Variants in MRPL45 observed in about 807,000 individuals in gnomAD.
MRPL45 encodes large ribosomal subunit protein mL45.
Under a neutral mutation model 38.1 loss-of-function variants are expected in MRPL45, and 20 were observed. That is an observed-to-expected ratio of 0.53 (90% CI 0.37 to 0.76). The LOEUF is 0.76. Ranked by LOEUF, MRPL45 falls within the 30% of genes least tolerant of loss-of-function variation. The pLI, the probability that MRPL45 is intolerant of heterozygous loss-of-function variation, is 0.00. For missense variants in MRPL45, 337 were observed against 395.6 expected (o/e 0.85, Z 1.26); for synonymous variants, 105 against 128.8 (o/e 0.82, Z 1.25).
chr17:38,322,695 C>G lies in MRPL45; in HGVS notation c.*100C>G. 1 of 874,024 alleles carries G rather than the reference C, an allele frequency of 1.1e-6. No individual in the cohort carries two copies. Among genetic ancestry groups the G allele is most frequent in the South Asian group, 1.6e-5 (1 of 61,492 alleles). 54.1% of individuals were successfully genotyped at this position (874,024 alleles called of 1,614,324 possible). A position where few individuals can be genotyped will look rare whatever the true frequency, so the allele number is the denominator to read the frequency against. On this transcript the variant is annotated 3_prime_UTR_variant, in exon 8 of 8. Coordinates refer to ENST00000613675, the MANE Select transcript of MRPL45 (RefSeq NM_032351.6). Reference sequence around the variant, plus strand: ...TGCTATAAAAAGAACTACCTTTGTTCTCTCCCATCCTGCTCAGGTCTTTTC... The same window carrying G: ...TGCTATAAAAAGAACTACCTTTGTTGTCTCCCATCCTGCTCAGGTCTTTTC...
At chr17:38,316,773 G>A (rs559924961) in intron 4 of MRPL45, among the ~76,000 whole-genome samples, 1 of 139,782 alleles carries the variant, frequency 7.2e-6, no homozygotes, top group South Asian at 2.3e-4. Context: ...AAGCAAAAGT[G>A]TATTTGTCTG....
intron 3 of MRPL45, among the ~76,000 whole-genome samples, chr17:38,301,991 C>T (rs2037001123): frequency 1.3e-5 from 2 of 151,854 alleles, no homozygotes; most frequent in African/African-American, 4.8e-5. Context: ...GTGGTGGGCG[C>T]CTGTAGTCCC....
At chr17:38,319,284 C>G (rs988527220) in intron 5 of MRPL45, among the ~76,000 whole-genome samples, 8 of 152,002 alleles carry the variant, frequency 5.3e-5, no homozygotes, top group African/African-American at 1.9e-4. Context: ...ATCCGGCCAC[C>G]TCGGCTTCCC....
At chr17:38,307,884 C>T (rs185098875) in intron 4 of MRPL45, among the ~76,000 whole-genome samples, 68 of 151,946 alleles carry the variant, frequency 4.5e-4, no homozygotes, top group Admixed American at 3.7e-3. Flanking sequence ...GATGGGATGT[C>T]GTGATGTTGC....
rs2037012001 is a variant in MRPL45 at position 38,302,791 on chromosome 17, C to T, written c.362+3323C>T. Among the ~76,000 whole-genome samples the T allele has an allele frequency of 2.7e-5, 4 of 150,544 alleles. No homozygotes were observed. In the South Asian group the frequency reaches 8.4e-4, roughly 32 times the overall value. The stretch of plus-strand genomic sequence containing the variant: ...CCAGGCTGGAGTGCAGTGGCTCCAT[C>T]TCGGCCCACTGCAGCCTCTGCCTCC... On this transcript the variant is annotated intron_variant, in intron 3 of 7. Transcript: ENST00000613675.
rs1479507207 is a variant in MRPL45, at chr17:38,313,555, T to C, written c.462-5132T>C. 2.0e-5 allele frequency among the ~76,000 whole-genome samples: 3 copies of C among 150,372 alleles called. No individual in the cohort carries two copies. The Admixed American group carries it at 2.0e-4, about 10-fold the overall frequency. On this transcript the variant is annotated intron_variant, in intron 4 of 7. Transcript: ENST00000613675. ...TTTATAATAGGCATCCTCATGGGTG[T>C]GAAGTGTAGTATCTCATTATGGTTT... is the stretch of plus-strand genomic sequence containing the variant.
intron 4 of MRPL45, among the ~76,000 whole-genome samples, chr17:38,316,204 T>C (rs190978414): frequency 5.1e-4 from 77 of 152,318 alleles, no homozygotes; most frequent in African/African-American, 1.6e-3. Flanking sequence ...TTTTCCATTA[T>C]TTTTTCTCTT....
At chr17:38,303,586 G>T (rs981325478) in intron 3 of MRPL45, among the ~76,000 whole-genome samples, 1 of 151,988 alleles carries the variant, frequency 6.6e-6, no homozygotes. Flanking sequence ...GAGCCACCAC[G>T]CCCTGCAACA....
chr17:38,306,401 T>G (rs2037054455), intron 3 of MRPL45, 132 bp from the exon 4 acceptor site: 3 of 999,214 alleles, frequency 3.0e-6, no homozygotes, highest in Non-Finnish European at 4.1e-6. Flanking sequence ...AGAGCGAGAC[T>G]CAAAAAAAGA....
At chr17:38,320,119 T>TA (rs1380345595) in intron 5 of MRPL45, among the ~76,000 whole-genome samples, 1 of 151,920 alleles carries the variant, frequency 6.6e-6, no homozygotes, top group Non-Finnish European at 1.5e-5. Flanking sequence ...TAAAAATAAA[T>TA]AAAAAAAGAA....
rs1597648501 is a variant in MRPL45 at position 38,306,580 on chromosome 17, TC to T, written c.413del (p.Pro138LeufsTer15). 1.9e-6 allele frequency: 3 copies of T among 1,610,702 alleles called. No homozygotes were observed. The East Asian group carries it at 6.7e-5, about 36-fold the overall frequency. On this transcript the variant is annotated frameshift_variant, in exon 4 of 8. Coordinates refer to ENST00000613675, the MANE Select transcript of MRPL45 (RefSeq NM_032351.6). LOFTEE classifies it high-confidence loss of function. ...DYDANFKIKD[F>X]PEKAKDIFIE... is the part of the protein sequence containing the mutation. Reference sequence around the variant, plus strand: ...GATGCCAACTTTAAAATAAAGGACTTCCCTGAAAAAGCTAAGGATATCTTTA... The same window carrying T: ...GATGCCAACTTTAAAATAAAGGACTTCCTGAAAAAGCTAAGGATATCTTTA...
chr17:38,321,255 A>G (rs1158637500), intron 6 of MRPL45, among the ~76,000 whole-genome samples: 1 of 152,208 alleles, frequency 6.6e-6, no homozygotes, highest in African/African-American at 2.4e-5. Context: ...GACTATAGGC[A>G]TGAGCCATTG....
rs774079302 is a variant in MRPL45 at position 38,320,647 on chromosome 17, C to T, written c.540C>T (p.Thr180=). The change falls in exon 6 of 8, where the codon ACC becomes ACT. Residue 180 remains threonine (T), a synonymous_variant. Transcript: ENST00000613675. ...PDMTWDIKYK[T]VRWSFVESLE... The stretch of plus-strand genomic sequence containing the variant: ...TGACTTGGGACATCAAATATAAGAC[C>T]GTCCGCTGGAGCTTTGTGGAATCTT... 11 of 1,613,962 alleles carry T rather than the reference C, an allele frequency of 6.8e-6. No individual in the cohort carries two copies. Among genetic ancestry groups the T allele is most frequent in the African/African-American group, 1.3e-5 (1 of 74,880 alleles).
intron 4 of MRPL45, among the ~76,000 whole-genome samples, chr17:38,310,313 G>A (rs1470261531): frequency 1.3e-5 from 2 of 148,312 alleles, no homozygotes; most frequent in Non-Finnish European, 3.0e-5. Flanking sequence ...GTTAGTTCTT[G>A]TCATTTTTGT....
intron 5 of MRPL45, 90 bp downstream of exon 5, chr17:38,318,825 T>TC (rs2037200653): frequency 7.7e-4 from 26 of 33,554 alleles, no homozygotes. Context: ...TTCTTTTCTT[T>TC]TCTTTTTTTT....
intron 4 of MRPL45, among the ~76,000 whole-genome samples, chr17:38,310,897 C>T (rs2037105680): frequency 6.6e-6 from 1 of 152,164 alleles, no homozygotes; most frequent in Non-Finnish European, 1.5e-5. Context: ...GTACAGTTTT[C>T]TTGCCATTTT....
At chr17:38,317,082 C>T (rs1370734031) in intron 4 of MRPL45, among the ~76,000 whole-genome samples, 2 of 152,144 alleles carry the variant, frequency 1.3e-5, no homozygotes, top group Non-Finnish European at 2.9e-5. Context: ...AGGCATGAGC[C>T]ACCGCACCCG....
chr17:38,308,777 T>C (rs1294394655), intron 4 of MRPL45, among the ~76,000 whole-genome samples: 1 of 152,090 alleles, frequency 6.6e-6, no homozygotes, highest in Non-Finnish European at 1.5e-5. Context: ...GGTTTTGCCA[T>C]GTTGGCTAGG....
At chr17:38,308,042 CCTCTA>C (rs2057253650) in intron 4 of MRPL45, among the ~76,000 whole-genome samples, 1 of 151,938 alleles carries the variant, frequency 6.6e-6, no homozygotes, top group South Asian at 2.1e-4. Context: ...GTAGCTGGAA[CCTCTA>C]GGGGTATACC....
Sources: allele counts gnomAD v4.1 joint callset (sites outside exome capture counted in the v4.1 genomes callset), GRCh38; gene constraint gnomAD v4.1.1; transcripts MANE v1.5; gene names NCBI Gene and HGNC (gene_info 2026-07-23, HGNC 2026-07-21).